Variants in ARL5B observed in about 807,000 individuals in gnomAD.
ARL5B encodes ADP-ribosylation factor-like protein 5B.
A neutral mutation model predicts 26.9 loss-of-function variants in ARL5B; 10 were observed. The observed-to-expected ratio is 0.37, with a 90% CI of 0.23 to 0.63. The LOEUF (loss-of-function observed/expected upper bound fraction) is 0.63. Ranked by LOEUF, ARL5B falls within the 30% of genes least tolerant of loss-of-function variation. ARL5B has a pLI of 0.62. For synonymous variants in ARL5B, 87 were observed against 70.4 expected (o/e 1.24, Z -1.18); for missense variants, 167 against 213.9 (o/e 0.78, Z 1.37).
intron 1 of ARL5B, among the ~76,000 whole-genome samples, chr10:18,664,556 A>T (rs1172661738): frequency 7.0e-6 from 1 of 143,384 alleles, no homozygotes; most frequent in Non-Finnish European, 1.5e-5. Flanking sequence ...TTCTGCTTCA[A>T]CCTCCCAAGT....
At chr10:18,672,791 A>G (rs754208784) in intron 4 of ARL5B, 86 bp downstream of exon 4, 9 of 803,646 alleles carry the variant, frequency 1.1e-5, no homozygotes, top group Non-Finnish European at 1.8e-5. Context: ...TTAATGTGAT[A>G]TGATGTTGGC....
chr10:18,671,521 T>G (rs2059886766), intron 3 of ARL5B, among the ~76,000 whole-genome samples: 1 of 152,154 alleles, frequency 6.6e-6, no homozygotes, highest in Non-Finnish European at 1.5e-5. Flanking sequence ...CCTTCATGTC[T>G]CAGTTTATTT....
In ARL5B at chr10:18,675,549, C is replaced by G. The variant is rs964437383; in HGVS notation, c.*333C>G. 4.5e-6 allele frequency: 1 copy of G among 222,480 alleles called. No homozygotes were observed. Among genetic ancestry groups the G allele is most frequent in the Non-Finnish European group, 9.1e-6 (1 of 109,924 alleles). 13.8% of individuals were successfully genotyped at this position (222,480 alleles called of 1,614,324 possible). A position where few individuals can be genotyped will look rare whatever the true frequency, so the allele number is the denominator to read the frequency against. On this transcript the variant is annotated 3_prime_UTR_variant, in exon 6 of 6. Transcript: ENST00000377275. Reference sequence around the variant, plus strand: ...GAAATATTCTTATAACCTTAATGACCAATTGCTTTCAATTCTTGACCAGCA... The same window carrying G: ...GAAATATTCTTATAACCTTAATGACGAATTGCTTTCAATTCTTGACCAGCA...
rs145413905 is a variant in ARL5B at position 18,662,284 on chromosome 10, C to T, written c.46+2601C>T. Reference sequence around the variant, plus strand: ...GATCTTACTTTATGTGCTCCTTTCCCGTGTCTTTCTTCCAGTATTTCCACA... The same window carrying T: ...GATCTTACTTTATGTGCTCCTTTCCTGTGTCTTTCTTCCAGTATTTCCACA... On this transcript the variant is annotated intron_variant, in intron 1 of 5. Coordinates refer to ENST00000377275, the MANE Select transcript of ARL5B (RefSeq NM_178815.5). Among the ~76,000 whole-genome samples the T allele has an allele frequency of 3.2e-3, 494 of 152,292 alleles. 3 individuals are homozygous for T. Among genetic ancestry groups the T allele is most frequent in the African/African-American group, 0.011 (467 of 41,560 alleles).
intron 5 of ARL5B, 21 bp downstream of exon 5, chr10:18,674,156 G>A: frequency 1.3e-6 from 2 of 1,589,820 alleles, no homozygotes; most frequent in South Asian, 2.3e-5. Flanking sequence ...CCGTCTGAGG[G>A]GAGGTATGAC....
In ARL5B at chr10:18,677,404, T is replaced by C. The variant is rs1028522755; in HGVS notation, c.*2188T>C. 1 of 152,246 alleles carries C rather than the reference T, an allele frequency of 6.6e-6. No individual in the cohort carries two copies. Among genetic ancestry groups the C allele is most frequent in the African/African-American group, 2.4e-5 (1 of 41,404 alleles). 9.4% of individuals were successfully genotyped at this position (152,246 alleles called of 1,614,324 possible). A position where few individuals can be genotyped will look rare whatever the true frequency, so the allele number is the denominator to read the frequency against. On this transcript the variant is annotated 3_prime_UTR_variant, in exon 6 of 6. Transcript: ENST00000377275. ...TTTTGTAAATCCTTTAAAAAATATT[T>C]GGTTAGTTTTGGATTAGAAATGATT...
intron 4 of ARL5B, among the ~76,000 whole-genome samples, chr10:18,673,291 A>G (rs1162599957): frequency 6.6e-6 from 1 of 151,788 alleles, no homozygotes; most frequent in Non-Finnish European, 1.5e-5. Flanking sequence ...TGAATTCCTG[A>G]TGTCGTTATC....
rs1425288139 is a variant in ARL5B, at chr10:18,681,291, G to C, written c.*6075G>C. ...AAAAATTTAAAACAAGTAAATTAAT[G>C]CATTCACATGATCACTTCTTGAAAA... is the stretch of plus-strand genomic sequence containing the variant. On this transcript the variant is annotated 3_prime_UTR_variant, in exon 6 of 6. Coordinates refer to ENST00000377275, the MANE Select transcript of ARL5B (RefSeq NM_178815.5). The C allele has an allele frequency of 6.6e-6, 1 of 152,128 alleles. No individual in the cohort carries two copies. Among genetic ancestry groups the C allele is most frequent in the East Asian group, 1.9e-4 (1 of 5,198 alleles). 9.4% of individuals were successfully genotyped at this position (152,128 alleles called of 1,614,324 possible).
chr10:18,672,571 C>A, intron 3 of ARL5B, 51 bp from the exon 4 acceptor site: 1 of 1,425,254 alleles, frequency 7.0e-7, no homozygotes, highest in Non-Finnish European at 9.8e-7. Flanking sequence ...TTACAGAAAA[C>A]TTTTCAGCAT....
chr10:18,673,060 GT>G (rs2059894975), intron 4 of ARL5B, among the ~76,000 whole-genome samples: 1 of 150,514 alleles, frequency 6.6e-6, no homozygotes, highest in Non-Finnish European at 1.5e-5. Context: ...TTTGTTTTTT[GT>G]TTTTGTTTTT....
chr10:18,676,572 A>C lies in ARL5B; in HGVS notation c.*1356A>C, dbSNP rs2059911364. 6.6e-6 allele frequency: 1 copy of C among 152,046 alleles called. No individual in the cohort carries two copies. The allele number at this position is 152,046 out of a possible 1,614,324, so 9.4% of individuals were successfully genotyped here. A position where few individuals can be genotyped will look rare whatever the true frequency, so the allele number is the denominator to read the frequency against. ...TCGTATTTCGATCCTGTTTATTCAAATGTGTGATTTTGCTGAAATGAAAGG... is the reference window on the plus strand; with the variant it reads ...TCGTATTTCGATCCTGTTTATTCAACTGTGTGATTTTGCTGAAATGAAAGG... On this transcript the variant is annotated 3_prime_UTR_variant, in exon 6 of 6. Transcript: ENST00000377275.
intron 3 of ARL5B, among the ~76,000 whole-genome samples, chr10:18,670,934 C>T (rs947783129): frequency 2.0e-5 from 3 of 152,108 alleles, no homozygotes; most frequent in East Asian, 1.9e-4. Flanking sequence ...AGAACAGTGG[C>T]GCCTGTCACT....
rs1415166413 is a variant in ARL5B, at chr10:18,674,007, T to C, written c.363T>C (p.Leu121=). The C allele has an allele frequency of 6.2e-6, 10 of 1,611,374 alleles. No homozygotes were observed. The highest frequency in any genetic ancestry group is 8.5e-6 in the Non-Finnish European group (10 of 1,178,916). ...AGGATTTACGGAAGGCTGCAGTCCT[T>C]ATCTTTGCAAATAAACAGGATATGA... ...AHEDLRKAAV[L]IFANKQDMKG... Residue 121 remains leucine, a synonymous_variant, in exon 5 of 6, where the codon CTT becomes CTC. Transcript: ENST00000377275.
rs984140513 is a variant in ARL5B, at chr10:18,679,503, A to C, written c.*4287A>C. ...TTTCAGTAGCGTCTCCTCCTTATTC[A>C]TTCACTTTTACTGTGAAGACTGAAA... is the stretch of plus-strand genomic sequence containing the variant. On this transcript the variant is annotated 3_prime_UTR_variant, in exon 6 of 6. Transcript: ENST00000377275. 1.1e-4 allele frequency: 16 copies of C among 151,896 alleles called. No individual in the cohort carries two copies. Among genetic ancestry groups the C allele is most frequent in the African/African-American group, 3.9e-4 (16 of 41,422 alleles). 9.4% of individuals were successfully genotyped at this position (151,896 alleles called of 1,614,324 possible).
intron 1 of ARL5B, among the ~76,000 whole-genome samples, chr10:18,663,181 G>C (rs577542775): frequency 6.6e-6 from 1 of 151,592 alleles, no homozygotes; most frequent in South Asian, 2.1e-4. Context: ...GCTAATTTTC[G>C]TATTTGTAGT....
intron 1 of ARL5B, 119 bp downstream of exon 1, chr10:18,659,802 C>T: frequency 6.6e-7 from 1 of 1,520,284 alleles, no homozygotes; most frequent in East Asian, 2.5e-5. Context: ...GGGACTTAGG[C>T]CAGGGGGCGG....
chr10:18,667,930 G>C (rs1476264055), intron 2 of ARL5B, among the ~76,000 whole-genome samples: 1 of 152,190 alleles, frequency 6.6e-6, no homozygotes, highest in East Asian at 1.9e-4. Flanking sequence ...GGTCAGGATG[G>C]TCTCAAGTTC....
At chr10:18,666,424 C>T (rs1199490793) in intron 1 of ARL5B, 151 bp from the exon 2 acceptor site, 12 of 603,506 alleles carry the variant, frequency 2.0e-5, no homozygotes, top group Non-Finnish European at 3.0e-5. Context: ...GTAGCCTTAA[C>T]ATCATAACAT....
At chr10:18,659,804 A>G in intron 1 of ARL5B, 121 bp downstream of exon 1, 5 of 1,518,762 alleles carry the variant, frequency 3.3e-6, no homozygotes, top group Non-Finnish European at 4.4e-6. Flanking sequence ...GACTTAGGCC[A>G]GGGGGCGGGC....
Sources: gnomAD v4.1 joint callset for allele counts (sites outside exome capture counted in the v4.1 genomes callset) on GRCh38, gnomAD v4.1.1 for gene constraint, MANE v1.5 for transcripts, NCBI Gene and HGNC (gene_info 2026-07-23, HGNC 2026-07-21) for gene names.